MUC5AC: variants seen among roughly 807,000 people sequenced by gnomAD.
MUC5AC encodes mucin-5AC.
Under a neutral mutation model 169.7 loss-of-function variants are expected in MUC5AC, and 158 were observed. The observed-to-expected ratio is 0.93, with a 90% CI of 0.82 to 1.06. The LOEUF is 1.06. Among genes scored for constraint, MUC5AC ranks in the 50% least tolerant of loss-of-function variants. The pLI, the probability that MUC5AC is intolerant of heterozygous loss-of-function variation, is 0.00. For synonymous variants in MUC5AC, 1,975 were observed against 1,237.0 expected (o/e 1.60, Z -12.52); for missense variants, 4,359 against 3,089.9 (o/e 1.41, Z -9.74).
rs747442081 is a variant in MUC5AC, at chr11:1,197,950, G to T, written c.16081G>T (p.Ala5361Ser). 3.4e-5 allele frequency: 25 copies of T among 737,322 alleles called. No homozygotes were observed. Among genetic ancestry groups the T allele is most frequent in the Non-Finnish European group, 2.7e-5 (11 of 405,670 alleles). The allele number at this position is 737,322 out of a possible 1,614,324, so 45.7% of individuals were successfully genotyped here. A position where few individuals can be genotyped will look rare whatever the true frequency, so the allele number is the denominator to read the frequency against. ...CPAPVGCPEG[A>S]RAIPTYQEGA... ...CGCGCCCGTGGGCTGTCCTGAGGGCGCCCGCGCGATCCCGACCTACCAGGA... is the reference window on the plus strand; with the variant it reads ...CGCGCCCGTGGGCTGTCCTGAGGGCTCCCGCGCGATCCCGACCTACCAGGA... The change falls in exon 42 of 49, where the codon GCC becomes TCC. Residue 5361 changes from alanine (A) to serine (S), a missense_variant. By Grantham distance (99) the Ala-to-Ser change is moderately conservative (BLOSUM62 1). Coordinates refer to ENST00000621226, the MANE Select transcript of MUC5AC (RefSeq NM_001304359.2).
rs775144961 is a variant in MUC5AC, at chr11:1,164,446, G to A, written c.1043G>A (p.Arg348His). 5 of 1,611,756 alleles carry A rather than the reference G, an allele frequency of 3.1e-6. No homozygotes were observed. Among genetic ancestry groups the A allele is most frequent in the African/African-American group, 1.3e-5 (1 of 74,894 alleles). Reference protein sequence around the residue: ...CPNNMQYHECRSPCADTCSNQ... With the variant: ...CPNNMQYHECHSPCADTCSNQ... ...AACAACATGCAGTACCACGAGTGCC[G>A]CTCCCCCTGCGCAGACACCTGCTCC... is the stretch of plus-strand genomic sequence containing the variant. The change falls in exon 9 of 49, where the codon CGC becomes CAC. Residue 348 changes from arginine to histidine, a missense_variant. Transcript: ENST00000621226.
At chr11:1,169,988 A>T (rs1860453847) in intron 15 of MUC5AC, among the ~76,000 whole-genome samples, 1 of 133,174 alleles carries the variant, frequency 7.5e-6, no homozygotes, top group African/African-American at 2.9e-5. Context: ...TCACCCACTC[A>T]CCCATTCACC....
In MUC5AC at chr11:1,190,082, C is replaced by G; in HGVS notation, c.11937C>G (p.Thr3979=). 1.3e-6 allele frequency: 1 copy of G among 763,526 alleles called. No homozygotes were observed. The highest frequency in any genetic ancestry group is 1.3e-5 in the South Asian group (1 of 74,398). 47.3% of individuals were successfully genotyped at this position (763,526 alleles called of 1,614,324 possible). Reference sequence around the variant, plus strand: ...GACCCCACGGTGGGGACAAGGAAACCTACAACAACATCATCAGGAGTGGGG... The same window carrying G: ...GACCCCACGGTGGGGACAAGGAAACGTACAACAACATCATCAGGAGTGGGG... ...SPGPHGGDKE[T]YNNIIRSGEK... Residue 3979 remains threonine, a synonymous_variant, in exon 31 of 49, where the codon ACC becomes ACG. Coordinates refer to ENST00000621226, the MANE Select transcript of MUC5AC (RefSeq NM_001304359.2).
Position 1,190,789 on chromosome 11 carries a change from G to A in MUC5AC, c.12644G>A (p.Ser4215Asn). 1.4e-6 allele frequency: 1 copy of A among 711,388 alleles called. No homozygotes were observed. Among genetic ancestry groups the A allele is most frequent in the South Asian group, 1.5e-5 (1 of 68,240 alleles). 44.1% of individuals were successfully genotyped at this position (711,388 alleles called of 1,614,324 possible). A position where few individuals can be genotyped will look rare whatever the true frequency, so the allele number is the denominator to read the frequency against. The change falls in exon 31 of 49, where the codon AGC becomes AAC. Residue 4215 changes from serine to asparagine, a missense_variant. By Grantham distance (46) the Ser-to-Asn change is conservative. Coordinates refer to ENST00000621226, the MANE Select transcript of MUC5AC (RefSeq NM_001304359.2). ...ACCAGCAAAACCTCAGCTGCTACAA[G>A]CAGCACAACCTCCGGTTCTGGAACT... Reference protein sequence around the residue: ...PQTSKTSAATSSTTSGSGTTP... With the variant: ...PQTSKTSAATNSTTSGSGTTP...
In MUC5AC at chr11:1,168,646, C is replaced by T. The variant is rs750680934; in HGVS notation, c.1572C>T (p.Asn524=). The change falls in exon 14 of 49, where the codon AAC becomes AAT. Residue 524 remains asparagine (N), a synonymous_variant. Coordinates refer to ENST00000621226, the MANE Select transcript of MUC5AC (RefSeq NM_001304359.2). ...IYTQLPISAA[N]VTIFRPSTFF... The stretch of plus-strand genomic sequence containing the variant: ...CCTTGTCCTTTGTGTCCCCAGCCAA[C>T]GTCACCATCTTCAGACCCTCAACCT... 8 of 1,609,998 alleles carry T rather than the reference C, an allele frequency of 5.0e-6. No homozygotes were observed. Among genetic ancestry groups the T allele is most frequent in the South Asian group, 2.2e-5 (2 of 91,058 alleles).
In MUC5AC at chr11:1,198,883, G is replaced by A. The variant is rs570821692; in HGVS notation, c.16183G>A (p.Val5395Met). ...CCCTGGCTCTCCCCAGCCCGGCGCCGTGGTCTCCTCGAGCCTGTGCGAAAC... is the reference window on the plus strand; with the variant it reads ...CCCTGGCTCTCCCCAGCCCGGCGCCATGGTCTCCTCGAGCCTGTGCGAAAC... Reference protein sequence around the residue: ...INGTLYQPGAVVSSSLCETCR... With the variant: ...INGTLYQPGAMVSSSLCETCR... The change falls in exon 44 of 49, where the codon GTG becomes ATG. Residue 5395 changes from valine (V) to methionine (M), a missense_variant. Transcript: ENST00000621226. The A allele has an allele frequency of 4.0e-5, 30 of 748,048 alleles. No individual in the cohort carries two copies. The highest frequency in any genetic ancestry group is 3.5e-4 in the East Asian group (14 of 40,234). 46.3% of individuals were successfully genotyped at this position (748,048 alleles called of 1,614,324 possible). A position where few individuals can be genotyped will look rare whatever the true frequency, so the allele number is the denominator to read the frequency against.
chr11:1,161,772 C>G (rs1860147012), intron 3 of MUC5AC, 135 bp from the exon 4 acceptor site: 1 of 1,378,066 alleles, frequency 7.3e-7, no homozygotes, highest in Admixed American at 2.5e-5. Context: ...CAGGAAGGAC[C>G]CCTGGGTGCC....
intron 20 of MUC5AC, 76 bp from the exon 21 acceptor site, chr11:1,176,438 G>A (rs1860691762): frequency 5.0e-6 from 2 of 398,798 alleles, no homozygotes; most frequent in Admixed American, 4.4e-5. Context: ...CTGTGGTGTG[G>A]GTGAGCTGTC....
In MUC5AC at chr11:1,197,575, G is replaced by T. The variant is rs1218979084; in HGVS notation, c.15969G>T (p.Leu5323=). The T allele has an allele frequency of 1.4e-6, 1 of 719,832 alleles. No homozygotes were observed. Among genetic ancestry groups the T allele is most frequent in the Admixed American group, 1.9e-5 (1 of 53,074 alleles). 44.6% of individuals were successfully genotyped at this position (719,832 alleles called of 1,614,324 possible). Residue 5323 remains leucine (L), a synonymous_variant, in exon 41 of 49, where the codon CTG becomes CTT. Transcript: ENST00000621226. ...GCCCGCTGCCCCCTGCCTGCCCCCTGCCCGGCTTCGTGCCTGTGCCTGCAG... is the reference window on the plus strand; with the variant it reads ...GCCCGCTGCCCCCTGCCTGCCCCCTTCCCGGCTTCGTGCCTGTGCCTGCAG... The part of the protein sequence containing the change: ...KLCPLPPACP[L]PGFVPVPAAP...
chr11:1,188,934 C>T lies in MUC5AC; in HGVS notation c.10789C>T (p.Arg3597Trp), dbSNP rs1169892258. Residue 3597 changes from arginine (R) to tryptophan (W), a missense_variant, in exon 31 of 49, where the codon CGG (arginine) becomes TGG (tryptophan). By Grantham distance (101) the Arg-to-Trp change is moderately radical (BLOSUM62 -3). Coordinates refer to ENST00000621226, the MANE Select transcript of MUC5AC (RefSeq NM_001304359.2). ...QCSREEGLVC[R>W]NQDQQGPFKM... ...CAGCCGCGAAGAGGGCCTGGTGTGC[C>T]GGAACCAGGACCAGCAGGGACCCTT... is the stretch of plus-strand genomic sequence containing the variant. 53 of 746,010 alleles carry T rather than the reference C, an allele frequency of 7.1e-5. No individual in the cohort carries two copies. Among genetic ancestry groups the T allele is most frequent in the East Asian group, 3.7e-4 (15 of 41,090 alleles). The allele number at this position is 746,010 out of a possible 1,614,324, so 46.2% of individuals were successfully genotyped here.
In MUC5AC at chr11:1,181,365, C is replaced by T. The variant is rs1051248840; in HGVS notation, c.3915C>T (p.Cys1305=). 4 of 398,608 alleles carry T rather than the reference C, an allele frequency of 1.0e-5. No individual in the cohort carries two copies. Among genetic ancestry groups the T allele is most frequent in the Admixed American group, 4.4e-5 (1 of 22,726 alleles). The allele number at this position is 398,608 out of a possible 1,614,324, so 24.7% of individuals were successfully genotyped here. A position where few individuals can be genotyped will look rare whatever the true frequency, so the allele number is the denominator to read the frequency against. The change falls in exon 30 of 49, where the codon TGC becomes TGT. Residue 1305 remains cysteine (C), a synonymous_variant. Coordinates refer to ENST00000621226, the MANE Select transcript of MUC5AC (RefSeq NM_001304359.2). ...DGTGGCISAR[C]GANGTIERRV... ...CGGGTGGCTGCATCTCCGCCCGCTG[C>T]GGGGCCAACGGCACCATTGAGAGGA... is the stretch of plus-strand genomic sequence containing the variant.
chr11:1,198,283 G>C lies in MUC5AC; in HGVS notation c.16151G>C (p.Ser5384Thr), dbSNP rs766296570. Reference protein sequence around the residue: ...PVQNCSWTVCSINGTLYQPGA... With the variant: ...PVQNCSWTVCTINGTLYQPGA... The stretch of plus-strand genomic sequence containing the variant: ...TCGTGGGCAGGCTGGACAGTGTGCA[G>C]CATCAACGGGACCCTGTACCAGGTA... The change falls in exon 43 of 49, where the codon AGC becomes ACC. Residue 5384 changes from serine to threonine, a missense_variant. Physicochemically the swap from Ser to Thr is moderately conservative, Grantham distance 58. Transcript: ENST00000621226. 3.6e-5 allele frequency: 27 copies of C among 754,722 alleles called. No homozygotes were observed. Among genetic ancestry groups the C allele is most frequent in the Non-Finnish European group, 6.5e-5 (27 of 413,522 alleles). The allele number at this position is 754,722 out of a possible 1,614,324, so 46.8% of individuals were successfully genotyped here.
chr11:1,169,111 G>T, intron 15 of MUC5AC, 85 bp downstream of exon 15: 1 of 1,439,578 alleles, frequency 6.9e-7, no homozygotes. Context: ...CAGCGAGGCC[G>T]GCCCTGCGTG....
At chr11:1,196,143 CA>C (rs1448247765) in intron 37 of MUC5AC, 89 bp downstream of exon 37, 33 of 641,038 alleles carry the variant, frequency 5.1e-5, no homozygotes, top group East Asian at 8.0e-5. Context: ...CTCGGGCAGT[CA>C]GGGGGGGACC....
At chr11:1,173,723 C>T (rs1022165755) in intron 16 of MUC5AC, among the ~76,000 whole-genome samples, 123 of 149,994 alleles carry the variant, frequency 8.2e-4, no homozygotes, top group African/African-American at 1.7e-3. Flanking sequence ...CATTCATTCA[C>T]GCACTCATCC....
rs780476470 is a variant in MUC5AC at position 1,196,645 on chromosome 11, G to T, written c.15754G>T (p.Glu5252Ter). 1.3e-6 allele frequency: 1 copy of T among 762,708 alleles called. No individual in the cohort carries two copies. The highest frequency in any genetic ancestry group is 1.3e-5 in the South Asian group (1 of 74,130). The allele number at this position is 762,708 out of a possible 1,614,324, so 47.2% of individuals were successfully genotyped here. A position where few individuals can be genotyped will look rare whatever the true frequency, so the allele number is the denominator to read the frequency against. The change falls in exon 39 of 49, where the codon GAA becomes TAA. Residue 5252 changes from glutamate (E) to a stop codon, truncating the protein, a stop_gained. Coordinates refer to ENST00000621226, the MANE Select transcript of MUC5AC (RefSeq NM_001304359.2). LOFTEE classifies it high-confidence loss of function. ...TCTGCCGGAGGCCGGCCCCATCACC[G>T]AAGGCTGCTTCTGTCCGGAGGGCAT... ...GALPEAGPIT[E>*]GCFCPEGMTL...
At chr11:1,167,490 C>T (rs554314449) in intron 11 of MUC5AC, among the ~76,000 whole-genome samples, 34 of 152,344 alleles carry the variant, frequency 2.2e-4, no homozygotes, top group Non-Finnish European at 1.8e-4. Context: ...TGAAATTCCA[C>T]GTTTAAGACA....
chr11:1,195,024 A>G lies in MUC5AC; in HGVS notation c.15203A>G (p.Asn5068Ser). 1 of 743,318 alleles carries G rather than the reference A, an allele frequency of 1.3e-6. No homozygotes were observed. The allele number at this position is 743,318 out of a possible 1,614,324, so 46.0% of individuals were successfully genotyped here. The change falls in exon 36 of 49, where the codon AAC (asparagine) becomes AGC (serine). Residue 5068 changes from asparagine to serine, a missense_variant. Asn to Ser is a conservative substitution (Grantham distance 46, BLOSUM62 1). Transcript: ENST00000621226. ...NTEGQCGTCT[N>S]DRKDECRTPR... ...CGCGTCTGCCCAGGCACTTGCACCA[A>G]CGACAGGAAGGATGAGTGCCGCACG...
At chr11:1,171,276 AC>A (rs1860516790) in intron 15 of MUC5AC, among the ~76,000 whole-genome samples, 5 of 141,362 alleles carry the variant, frequency 3.5e-5, no homozygotes, top group Admixed American at 7.0e-5. Context: ...TCACTCACCC[AC>A]TCACTCACCC....
Sources: gnomAD v4.1 joint callset for allele counts (sites outside exome capture counted in the v4.1 genomes callset) on GRCh38, gnomAD v4.1.1 for gene constraint, MANE v1.5 for transcripts, NCBI Gene and HGNC (gene_info 2026-07-23, HGNC 2026-07-21) for gene names.